The following GRB10 variants were observed in gnomAD, a reference collection of about 807,000 sequenced individuals.
The protein encoded by GRB10 is growth factor receptor-bound protein 10.
In GRB10, 20 loss-of-function variants were observed where a neutral mutation model predicts 80.9. The observed-to-expected ratio is 0.25, with a 90% CI of 0.17 to 0.36. GRB10 has a LOEUF of 0.36. Among genes scored for constraint, GRB10 ranks in the 10% least tolerant of loss-of-function variants. The pLI is 1.00. For missense variants in GRB10, 548 were observed against 747.7 expected, an observed-to-expected ratio of 0.73 and a Z score of 3.12; for synonymous variants, 291 against 291.5, an observed-to-expected ratio of 1.00 and a Z score of 0.02.
intron 4 of GRB10, among the ~76,000 whole-genome samples, chr7:50,724,051 A>G (rs2068187512): frequency 6.6e-6 from 1 of 152,220 alleles, no homozygotes; most frequent in Admixed American, 6.5e-5. Flanking sequence ...GCTGTCCCCC[A>G]TGATCCGCCA....
intron 12 of GRB10, among the ~76,000 whole-genome samples, chr7:50,614,116 G>A (rs2050079758): frequency 6.6e-6 from 1 of 152,224 alleles, no homozygotes; most frequent in South Asian, 2.1e-4. Flanking sequence ...GGGAAAAGGA[G>A]TGGGCTCTGC....
chr7:50,764,256 C>T lies in GRB10; in HGVS notation c.-216-8200G>A, dbSNP rs892611587. On this transcript the variant is annotated intron_variant, in intron 2 of 18. Transcript: ENST00000401949. Reference sequence around the variant, plus strand: ...CCTGACCCACTCCAGACCCTCTCCACATGGGTCTATAGCTCAGCCCTTGGC... The same window carrying T: ...CCTGACCCACTCCAGACCCTCTCCATATGGGTCTATAGCTCAGCCCTTGGC... 4.6e-5 allele frequency among the ~76,000 whole-genome samples: 7 copies of T among 152,258 alleles called. No homozygotes were observed. The East Asian group carries it at 1.3e-3, about 29-fold the overall frequency.
intron 3 of GRB10, among the ~76,000 whole-genome samples, chr7:50,741,377 T>C (rs888813638): frequency 6.7e-6 from 1 of 149,436 alleles, no homozygotes; most frequent in Admixed American, 6.6e-5. Flanking sequence ...ATCTCTGGAG[T>C]TGCAGAACAC....
chr7:50,653,139 C>A (rs779746226), intron 7 of GRB10, among the ~76,000 whole-genome samples: 1 of 152,198 alleles, frequency 6.6e-6, no homozygotes, highest in Non-Finnish European at 1.5e-5. Flanking sequence ...GGCCCCAGTA[C>A]GATGAGGAGC....
intron 2 of GRB10, among the ~76,000 whole-genome samples, chr7:50,764,157 TG>T (rs141268667): frequency 8.5e-5 from 13 of 152,188 alleles, no homozygotes; most frequent in Admixed American, 5.9e-4. Flanking sequence ...CTTCCCCTGC[TG>T]GTAGCCTCCT....
upstream of GRB10, among the ~76,000 whole-genome samples, chr7:50,783,871 C>T (rs2078558539): frequency 6.6e-6 from 1 of 152,152 alleles, no homozygotes; most frequent in South Asian, 2.1e-4. Flanking sequence ...TCCAACTGCT[C>T]GGAGGCCAGG....
At position 50,604,476 on chromosome 7, in the gene GRB10, T is replaced by C. The variant is rs1252841834; in HGVS notation, c.1390-99A>G. 5 of 991,050 alleles carry C rather than the reference T, an allele frequency of 5.0e-6. No individual in the cohort carries two copies. The African/African-American group carries it at 7.9e-5, about 16-fold the overall frequency. 61.4% of individuals were successfully genotyped at this position (991,050 alleles called of 1,614,324 possible). On this transcript the variant is annotated intron_variant, in intron 15 of 18. Transcript: ENST00000401949. Reference sequence around the variant, plus strand: ...ATGGCAGGCCACTGGGTGGGGTGCCTGACTGGGCTCACAAGGGACCTTGCC... The same window carrying C: ...ATGGCAGGCCACTGGGTGGGGTGCCCGACTGGGCTCACAAGGGACCTTGCC...
intron 6 of GRB10, among the ~76,000 whole-genome samples, chr7:50,670,208 C>T (rs1240666429): frequency 3.3e-5 from 5 of 152,160 alleles, no homozygotes; most frequent in African/African-American, 1.2e-4. Flanking sequence ...TGTGTGATTT[C>T]ACCCAGTGAG....
At chr7:50,631,564 G>A (rs1018683076) in intron 7 of GRB10, among the ~76,000 whole-genome samples, 9 of 152,298 alleles carry the variant, frequency 5.9e-5, no homozygotes, top group Admixed American at 1.3e-4. Flanking sequence ...GTAAATACTC[G>A]TGGTAAATGT....
chr7:50,623,568 G>A (rs1201917477), intron 8 of GRB10, among the ~76,000 whole-genome samples: 2 of 152,188 alleles, frequency 1.3e-5, no homozygotes, highest in African/African-American at 2.4e-5. Flanking sequence ...GCCAATGGAG[G>A]GTGACCAGCA....
At chr7:50,739,550 A>G (rs545692607) in intron 3 of GRB10, among the ~76,000 whole-genome samples, 1 of 152,196 alleles carries the variant, frequency 6.6e-6, no homozygotes, top group Non-Finnish European at 1.5e-5. Context: ...ATGGCAACGT[A>G]CTAAGTGCAT....
chr7:50,748,261 C>T (rs556352341), intron 3 of GRB10, among the ~76,000 whole-genome samples: 2 of 152,310 alleles, frequency 1.3e-5, no homozygotes, highest in African/African-American at 4.8e-5. Context: ...CTGGAGGAGG[C>T]CCCGTGGCCC....
chr7:50,705,814 TAAGA>T (rs1011238262), intron 4 of GRB10, among the ~76,000 whole-genome samples: 1 of 152,282 alleles, frequency 6.6e-6, no homozygotes, highest in Admixed American at 6.5e-5. Context: ...AGCTTTCCAC[TAAGA>T]AAGAGGGGAA....
intron 3 of GRB10, among the ~76,000 whole-genome samples, chr7:50,743,465 C>A (rs1301200839): frequency 6.6e-6 from 1 of 152,248 alleles, no homozygotes; most frequent in African/African-American, 2.4e-5. Context: ...CACAGCACCA[C>A]TTTACGGTGG....
chr7:50,606,479 G>C, intron 13 of GRB10, 65 bp from the exon 14 acceptor site: 6 of 1,141,384 alleles, frequency 5.3e-6, no homozygotes, highest in Non-Finnish European at 8.0e-6. Flanking sequence ...TGTGACAAAC[G>C]CCACAGCAGG....
At chr7:50,729,728 C>A (rs568573875) in intron 4 of GRB10, among the ~76,000 whole-genome samples, 3 of 142,880 alleles carry the variant, frequency 2.1e-5, no homozygotes, top group Admixed American at 2.1e-4. Flanking sequence ...CGGAGCCCCC[C>A]CCGAAGACCA....
intron 18 of GRB10, among the ~76,000 whole-genome samples, chr7:50,594,712 ACTCTAATCATGAACT>A (rs2046335509): frequency 1.3e-5 from 2 of 152,192 alleles, no homozygotes; most frequent in Non-Finnish European, 2.9e-5. Flanking sequence ...CTGATCTAGC[ACTCTAATCATGAACT>A]AGAATTGAAC....
intron 10 of GRB10, 69 bp from the exon 11 acceptor site, chr7:50,616,416 G>T: frequency 7.1e-7 from 1 of 1,412,646 alleles, no homozygotes; most frequent in Non-Finnish European, 9.9e-7. Context: ...CATGTTATCA[G>T]CATAGCTGAC....
chr7:50,687,644 T>A (rs2153655105), intron 5 of GRB10, among the ~76,000 whole-genome samples: 1 of 152,354 alleles, frequency 6.6e-6, no homozygotes, highest in African/African-American at 2.4e-5. Flanking sequence ...TACCTTCTTC[T>A]CTGCTTCCGC....
Sources: gnomAD v4.1 joint callset for allele counts (sites outside exome capture counted in the v4.1 genomes callset) on GRCh38, gnomAD v4.1.1 for gene constraint, MANE v1.5 for transcripts, NCBI Gene and HGNC (gene_info 2026-07-23, HGNC 2026-07-21) for gene names.